Variants in BCKDHB observed in about 807,000 individuals in gnomAD.
The protein encoded by BCKDHB is 2-oxoisovalerate dehydrogenase subunit beta, mitochondrial.
A neutral mutation model predicts 48.5 loss-of-function variants in BCKDHB; 41 were observed. That is an observed-to-expected ratio of 0.85 (90% CI 0.66 to 1.10). The LOEUF is 1.10. Among genes scored for constraint, BCKDHB ranks in the 50% least tolerant of loss-of-function variants. BCKDHB has a pLI of 0.00. For synonymous variants in BCKDHB, 201 were observed against 174.8 expected (o/e 1.15, Z -1.18); for missense variants, 496 against 494.2 (o/e 1.00, Z -0.03).
chr6:80,450,957 C>T, the BCKDHB span, among the ~76,000 whole-genome samples: 2 of 152,082 alleles, frequency 1.3e-5, no homozygotes, highest in African/African-American at 4.8e-5. Flanking sequence ...AATTTGTATG[C>T]CACAACAATA....
chr6:80,353,870 TA>T, the BCKDHB span, among the ~76,000 whole-genome samples: 1 of 143,310 alleles, frequency 7.0e-6, no homozygotes, highest in Non-Finnish European at 1.5e-5. Flanking sequence ...AAATAAAAAG[TA>T]AAATAATAGT....
chr6:80,361,037 T>C, the BCKDHB span, among the ~76,000 whole-genome samples: 342 of 150,196 alleles, frequency 2.3e-3, 2 homozygotes, highest in African/African-American at 7.7e-3. Flanking sequence ...TGAAAAAAAA[T>C]TAGAAAGTTA....
At chr6:80,369,833 T>C in the BCKDHB span, among the ~76,000 whole-genome samples, 63 of 152,330 alleles carry the variant, frequency 4.1e-4, 1 homozygote, top group South Asian at 0.013. Flanking sequence ...CAAACCTGCA[T>C]TCTGGTGGAC....
intron 5 of BCKDHB, among the ~76,000 whole-genome samples, chr6:80,170,477 G>T (rs950471026): frequency 1.3e-5 from 2 of 152,124 alleles, no homozygotes; most frequent in Non-Finnish European, 2.9e-5. Context: ...GTGGGAATTG[G>T]GTGAGACTCT....
chr6:80,170,571 T>C (rs1772858721), intron 5 of BCKDHB, among the ~76,000 whole-genome samples: 1 of 152,196 alleles, frequency 6.6e-6, no homozygotes, highest in African/African-American at 2.4e-5. Context: ...AGGAACATTA[T>C]AATAGCTACC....
At chr6:80,141,771 A>T (rs2127742776) in intron 3 of BCKDHB, among the ~76,000 whole-genome samples, 1 of 152,240 alleles carries the variant, frequency 6.6e-6, no homozygotes, top group East Asian at 1.9e-4. Context: ...TTTTATTAAG[A>T]ACAATATGTA....
At chr6:80,133,660 T>A (rs1770741134) in intron 3 of BCKDHB, among the ~76,000 whole-genome samples, 1 of 151,846 alleles carries the variant, frequency 6.6e-6, no homozygotes, top group Non-Finnish European at 1.5e-5. Flanking sequence ...CTTTTTTTTT[T>A]AAGACAGAGT....
intron 3 of BCKDHB, among the ~76,000 whole-genome samples, chr6:80,165,075 A>G (rs1408029746): frequency 6.6e-6 from 1 of 152,138 alleles, no homozygotes; most frequent in Non-Finnish European, 1.5e-5. Flanking sequence ...TCTGCTTTCT[A>G]TTGGCAACAA....
chr6:80,139,736 G>A (rs1247659076), intron 3 of BCKDHB, among the ~76,000 whole-genome samples: 7 of 152,036 alleles, frequency 4.6e-5, no homozygotes, highest in Admixed American at 2.6e-4. Context: ...GTCAGGTAGT[G>A]TGATGCCTCC....
chr6:80,454,288 T>C, the BCKDHB span: 2 of 152,312 alleles, frequency 1.3e-5, no homozygotes, highest in Admixed American at 6.5e-5. Flanking sequence ...ATACACACTG[T>C]CTCTTGAGAG....
At chr6:80,455,331 C>T in the BCKDHB span, among the ~76,000 whole-genome samples, 1 of 151,932 alleles carries the variant, frequency 6.6e-6, no homozygotes. Context: ...GGTTTACAGT[C>T]TCCTTTTCAT....
intron 1 of BCKDHB, 75 bp downstream of exon 1, chr6:80,106,964 G>C: frequency 6.5e-7 from 1 of 1,527,186 alleles, no homozygotes; most frequent in Non-Finnish European, 8.9e-7. Context: ...CGAGGGGCAG[G>C]GGCCGGCAGG....
the BCKDHB span, among the ~76,000 whole-genome samples, chr6:80,405,891 C>T: frequency 0.093 from 14,078 of 152,104 alleles, 709 homozygotes; most frequent in Non-Finnish European, 0.11. Flanking sequence ...GTTTGTTACA[C>T]AGGTATACAT....
the BCKDHB span, among the ~76,000 whole-genome samples, chr6:80,375,609 C>T: frequency 1.3e-5 from 2 of 151,836 alleles, no homozygotes; most frequent in African/African-American, 4.8e-5. Context: ...CTGGTGCCTC[C>T]TTGATTAGCT....
chr6:80,368,711 T>TC, the BCKDHB span, among the ~76,000 whole-genome samples: 1 of 122,742 alleles, frequency 8.1e-6, no homozygotes, highest in Non-Finnish European at 2.1e-5. Context: ...ATACATGAAC[T>TC]TAAAAAAAAA....
chr6:80,126,993 T>G (rs1432700817), intron 1 of BCKDHB, among the ~76,000 whole-genome samples: 1 of 152,180 alleles, frequency 6.6e-6, no homozygotes, highest in Non-Finnish European at 1.5e-5. Context: ...GGCTCACAGA[T>G]ATTCTATTTA....
In BCKDHB at chr6:80,233,487, AT is replaced by A. The variant is rs554575952; in HGVS notation, c.951+30276del. 2.7e-3 allele frequency among the ~76,000 whole-genome samples: 412 copies of A among 152,272 alleles called. 2 individuals are homozygous for A. Among genetic ancestry groups the A allele is most frequent in the African/African-American group, 9.2e-3 (381 of 41,558 alleles). ...TGGGAAAGTTCACATCATTGCTCTT[AT>A]CTGCCTCTAAATTCTTTCTCTCTGG... is the stretch of plus-strand genomic sequence containing the variant. On this transcript the variant is annotated intron_variant, in intron 8 of 9. Coordinates refer to ENST00000320393, the MANE Select transcript of BCKDHB (RefSeq NM_183050.4).
At chr6:80,176,748 T>A (rs1048865927) in intron 6 of BCKDHB, among the ~76,000 whole-genome samples, 5 of 152,116 alleles carry the variant, frequency 3.3e-5, no homozygotes, top group Non-Finnish European at 2.9e-5. Context: ...GTGGATGGTG[T>A]CCATGAAAAC....
rs961850981 is a variant in BCKDHB at position 80,150,532 on chromosome 6, G to T, written c.344-17146G>T. ...ACAGTAGGAACCTCTTTTAAGTATAGTCAATCAAGTTTGTCATCTTTTTTT... is the reference window on the plus strand; with the variant it reads ...ACAGTAGGAACCTCTTTTAAGTATATTCAATCAAGTTTGTCATCTTTTTTT... On this transcript the variant is annotated intron_variant, in intron 3 of 9. Coordinates refer to ENST00000320393, the MANE Select transcript of BCKDHB (RefSeq NM_183050.4). 4.1e-5 allele frequency among the ~76,000 whole-genome samples: 6 copies of T among 146,964 alleles called. No individual in the cohort carries two copies. In the Admixed American group the frequency reaches 4.1e-4, roughly 10 times the overall value.
Sources: gnomAD v4.1 joint callset for allele counts (sites outside exome capture counted in the v4.1 genomes callset) on GRCh38, gnomAD v4.1.1 for gene constraint, MANE v1.5 for transcripts, NCBI Gene and HGNC (gene_info 2026-07-23, HGNC 2026-07-21) for gene names.